The following PTPRD variants were observed in gnomAD, a reference collection of about 807,000 sequenced individuals.
The protein encoded by PTPRD is receptor-type tyrosine-protein phosphatase delta.
A neutral mutation model predicts 214.5 loss-of-function variants in PTPRD; 34 were observed. The observed-to-expected ratio is 0.16, with a 90% CI of 0.12 to 0.21. The LOEUF (loss-of-function observed/expected upper bound fraction) is 0.21. Among genes scored for constraint, PTPRD ranks in the 10% least tolerant of loss-of-function variants. The pLI, the probability that PTPRD is intolerant of heterozygous loss-of-function variation, is 1.00. For missense variants in PTPRD, 2,545 were observed against 2,398.7 expected, an observed-to-expected ratio of 1.06 and a Z score of -1.27; for synonymous variants, 1,128 against 845.7, an observed-to-expected ratio of 1.33 and a Z score of -5.79.
At position 8,316,938 on chromosome 9, in the gene PTPRD, C is replaced by G. The variant is rs757808920; in HGVS notation, c.*936G>C. ...TCTATTTTTTGTGTGGACACACTGT[C>G]TATATATACATAGACACCCTTATAA... is the stretch of plus-strand genomic sequence containing the variant. On this transcript the variant is annotated 3_prime_UTR_variant, in exon 46 of 46. Transcript: ENST00000381196. 18 of 231,244 alleles carry G rather than the reference C, an allele frequency of 7.8e-5. No homozygotes were observed. Among genetic ancestry groups the G allele is most frequent in the Admixed American group, 6.8e-4 (12 of 17,706 alleles). The allele number at this position is 231,244 out of a possible 1,614,324, so 14.3% of individuals were successfully genotyped here.
At chr9:9,735,861 C>A (rs190740292) in intron 6 of PTPRD, among the ~76,000 whole-genome samples, 2 of 152,004 alleles carry the variant, frequency 1.3e-5, no homozygotes, top group African/African-American at 4.8e-5. Context: ...TATTTCTTTG[C>A]GGTGCGTTAT....
At chr9:10,120,668 TG>T (rs1326248311) in intron 3 of PTPRD, among the ~76,000 whole-genome samples, 1 of 68,952 alleles carries the variant, frequency 1.5e-5, no homozygotes, top group Non-Finnish European at 3.7e-5. Context: ...ATATAAATTT[TG>T]AAAAAAAATT....
intron 9 of PTPRD, among the ~76,000 whole-genome samples, chr9:9,193,187 T>C (rs1349814527): frequency 6.6e-6 from 1 of 152,144 alleles, no homozygotes; most frequent in East Asian, 1.9e-4. Context: ...TAGCAAATTA[T>C]GCTAAATTAG....
intron 6 of PTPRD, among the ~76,000 whole-genome samples, chr9:9,765,935 T>G (rs905149880): frequency 6.6e-6 from 1 of 152,234 alleles, no homozygotes; most frequent in African/African-American, 2.4e-5. Flanking sequence ...GTGCTGGGAT[T>G]ACAGGCGTGA....
chr9:8,692,136 T>C (rs2097820120), intron 12 of PTPRD, among the ~76,000 whole-genome samples: 1 of 152,192 alleles, frequency 6.6e-6, no homozygotes, highest in Non-Finnish European at 1.5e-5. Flanking sequence ...TAAAAGATTT[T>C]CACTTACATA....
intron 10 of PTPRD, among the ~76,000 whole-genome samples, chr9:9,031,006 G>C (rs933160118): frequency 6.6e-6 from 1 of 151,856 alleles, no homozygotes; most frequent in African/African-American, 2.4e-5. Flanking sequence ...ATAATGGTGG[G>C]ACATCAAGGA....
chr9:10,234,221 ATAAT>A (rs1035217901), intron 3 of PTPRD, among the ~76,000 whole-genome samples: 5 of 151,652 alleles, frequency 3.3e-5, no homozygotes, highest in African/African-American at 1.2e-4. Flanking sequence ...TAATTAATAA[ATAAT>A]TAATAAAAAA....
chr9:9,763,888 T>C (rs1034799791), intron 6 of PTPRD, among the ~76,000 whole-genome samples: 4 of 152,170 alleles, frequency 2.6e-5, no homozygotes, highest in Admixed American at 2.6e-4. Flanking sequence ...TATTATGCAT[T>C]CTTGACGACC....
intron 3 of PTPRD, among the ~76,000 whole-genome samples, chr9:10,048,569 TA>T (rs1451387625): frequency 6.6e-6 from 1 of 152,102 alleles, no homozygotes. Flanking sequence ...TAGATTCCCA[TA>T]TTTTTTACTA....
chr9:9,457,521 G>C (rs1171129762), intron 8 of PTPRD, among the ~76,000 whole-genome samples: 1 of 151,890 alleles, frequency 6.6e-6, no homozygotes, highest in African/African-American at 2.4e-5. Flanking sequence ...ATCCAAGGAG[G>C]CTATGCAAAA....
At chr9:10,207,607 A>G (rs935825119) in intron 3 of PTPRD, among the ~76,000 whole-genome samples, 4 of 152,004 alleles carry the variant, frequency 2.6e-5, no homozygotes, top group African/African-American at 7.2e-5. Flanking sequence ...TTAAAACACT[A>G]CTTGACTCAG....
chr9:9,786,300 C>G (rs1332708290), intron 5 of PTPRD, among the ~76,000 whole-genome samples: 1 of 152,086 alleles, frequency 6.6e-6, no homozygotes, highest in East Asian at 1.9e-4. Context: ...TAAGTTAAAA[C>G]TATTTTGAGA....
chr9:8,459,417 G>C (rs1420524545), intron 33 of PTPRD, among the ~76,000 whole-genome samples: 1 of 151,624 alleles, frequency 6.6e-6, no homozygotes, highest in Non-Finnish European at 1.5e-5. Context: ...AATACAATTT[G>C]GATTGGAAAA....
At chr9:8,666,030 T>C (rs2097162769) in intron 12 of PTPRD, among the ~76,000 whole-genome samples, 1 of 144,900 alleles carries the variant, frequency 6.9e-6, no homozygotes, top group Admixed American at 7.0e-5. Flanking sequence ...ATTTAGGCGT[T>C]TCATAACTGT....
At chr9:10,100,561 GAATATGCA>G (rs2098541795) in intron 3 of PTPRD, among the ~76,000 whole-genome samples, 1 of 151,598 alleles carries the variant, frequency 6.6e-6, no homozygotes, top group Admixed American at 6.6e-5. Context: ...CAACCACAGG[GAATATGCA>G]ACAATGAGAA....
intron 7 of PTPRD, among the ~76,000 whole-genome samples, chr9:9,686,578 G>A (rs2097170986): frequency 6.6e-6 from 1 of 151,530 alleles, no homozygotes; most frequent in Admixed American, 6.6e-5. Context: ...CTAATAGGAA[G>A]GCAGCAGGAG....
At chr9:9,886,780 A>G (rs1039181997) in intron 5 of PTPRD, among the ~76,000 whole-genome samples, 5 of 152,280 alleles carry the variant, frequency 3.3e-5, no homozygotes, top group Non-Finnish European at 4.4e-5. Flanking sequence ...ACACTAAGTT[A>G]CCATACATTT....
At chr9:10,488,618 G>C (rs769112114) in intron 2 of PTPRD, among the ~76,000 whole-genome samples, 15 of 152,142 alleles carry the variant, frequency 9.9e-5, no homozygotes, top group African/African-American at 3.1e-4. Flanking sequence ...AAATACATTA[G>C]AAGTCTACTT....
intron 12 of PTPRD, among the ~76,000 whole-genome samples, chr9:8,725,394 C>A (rs1428830837): frequency 6.6e-6 from 1 of 152,126 alleles, no homozygotes; most frequent in Non-Finnish European, 1.5e-5. Flanking sequence ...CAATGCTTGG[C>A]ACGGGAAATG....
Sources: gnomAD v4.1 joint callset for allele counts (sites outside exome capture counted in the v4.1 genomes callset) on GRCh38, gnomAD v4.1.1 for gene constraint, MANE v1.5 for transcripts, NCBI Gene and HGNC (gene_info 2026-07-23, HGNC 2026-07-21) for gene names.